The following ABCA4 variants were observed in gnomAD, a reference collection of about 807,000 sequenced individuals.
ABCA4 encodes the protein retinal-specific phospholipid-transporting ATPase ABCA4.
A neutral mutation model predicts 263.7 loss-of-function variants in ABCA4; 196 were observed. The ratio of observed to expected loss-of-function variants is 0.74; its 90% CI spans 0.66 to 0.84. The LOEUF (loss-of-function observed/expected upper bound fraction) is 0.84, where lower values mean the gene tolerates loss of function less well. ABCA4 is among the 40% of genes least tolerant of loss of function. The pLI is 0.00. For missense variants in ABCA4, 2,792 were observed against 2,855.1 expected (o/e 0.98, Z 0.50); for synonymous variants, 1,133 against 1,094.2 (o/e 1.04, Z -0.70).
intron 9 of ABCA4, 78 bp from the exon 10 acceptor site, chr1:94,078,784 G>T: frequency 1.0e-6 from 1 of 992,346 alleles, no homozygotes; most frequent in Non-Finnish European, 1.6e-6. Flanking sequence ...TGTCTTTTCT[G>T]CCCCTATCAC....
chr1:94,119,422 C>A (rs1048494927), intron 1 of ABCA4, among the ~76,000 whole-genome samples: 1 of 152,164 alleles, frequency 6.6e-6, no homozygotes, highest in Non-Finnish European at 1.5e-5. Flanking sequence ...GCCATCCATG[C>A]GCATGGTTGA....
chr1:94,008,476 C>T (rs185105955), intron 41 of ABCA4, among the ~76,000 whole-genome samples, 179 bp from the exon 42 acceptor site: 1 of 152,280 alleles, frequency 6.6e-6, no homozygotes, highest in Non-Finnish European at 1.5e-5. Context: ...CTGACCCATG[C>T]TCTGCAGAAA....
At position 94,083,598 on chromosome 1, in the gene ABCA4, A is replaced by C. The variant is rs76277422; in HGVS notation, c.769-157T>G. On this transcript the variant is annotated intron_variant, in intron 6 of 49. Coordinates refer to ENST00000370225, the MANE Select transcript of ABCA4 (RefSeq NM_000350.3). The stretch of plus-strand genomic sequence containing the variant: ...GCAAGATTACTTTTAGAAACAAAAA[A>C]CTCTTTTATTTAATTGAAAAAATAA... Among the ~76,000 whole-genome samples, 2,002 of 152,082 alleles carry C rather than the reference A, an allele frequency of 0.013. 58 individuals carry two copies. Among genetic ancestry groups the C allele is most frequent in the African/African-American group, 0.046 (1,918 of 41,474 alleles).
chr1:93,997,771 G>GT, intron 48 of ABCA4, 90 bp downstream of exon 48: 1 of 1,545,472 alleles, frequency 6.5e-7, no homozygotes. Flanking sequence ...AATCGGGAAT[G>GT]TTATGCCTCC....
At chr1:94,066,450 C>T (rs1208795001) in intron 11 of ABCA4, among the ~76,000 whole-genome samples, 2 of 152,110 alleles carry the variant, frequency 1.3e-5, no homozygotes, top group Admixed American at 6.5e-5. Context: ...AAATTTAATT[C>T]CTAAAACGAA....
chr1:94,046,285 A>T (rs1168099759), intron 19 of ABCA4, among the ~76,000 whole-genome samples: 2 of 122,514 alleles, frequency 1.6e-5, no homozygotes, highest in African/African-American at 5.3e-5. Context: ...TGTACTAAAA[A>T]AAAAAAAAAA....
At chr1:94,031,738 G>A (rs1387829601) in intron 27 of ABCA4, 40 bp downstream of exon 27, 1 of 1,611,968 alleles carries the variant, frequency 6.2e-7, no homozygotes, top group South Asian at 1.1e-5. Flanking sequence ...GCTGGGAGAG[G>A]AGCCACTGAG....
At chr1:94,026,072 A>G (rs1660032582) in intron 30 of ABCA4, among the ~76,000 whole-genome samples, 1 of 152,242 alleles carries the variant, frequency 6.6e-6, no homozygotes, top group Non-Finnish European at 1.5e-5. Flanking sequence ...TATTACTGCA[A>G]ATCTGGGAAC....
chr1:94,040,656 A>G (rs1422022357), intron 23 of ABCA4, among the ~76,000 whole-genome samples: 25 of 152,190 alleles, frequency 1.6e-4, no homozygotes, highest in Admixed American at 1.6e-3. Flanking sequence ...AGAAGAAAAA[A>G]ATACTAAAAA....
chr1:94,008,711 G>C (rs371118332), intron 41 of ABCA4, 40 bp downstream of exon 41: 73 of 1,613,258 alleles, frequency 4.5e-5, no homozygotes, highest in Non-Finnish European at 5.8e-5. Flanking sequence ...GCCAACTGTG[G>C]ATCTAACCAG....
rs760102207 is a variant in ABCA4 at position 94,046,973 on chromosome 1, T to A, written c.2864A>T (p.Glu955Val). 1.2e-6 allele frequency: 2 copies of A among 1,614,154 alleles called. No homozygotes were observed. Among genetic ancestry groups the A allele is most frequent in the East Asian group, 4.5e-5 (2 of 44,876 alleles). The change falls in exon 19 of 50, where the codon GAG (glutamate) becomes GTG (valine). Residue 955 changes from glutamate to valine, a missense_variant. Glu to Val is a moderately radical substitution (Grantham distance 121). Transcript: ENST00000370225. ...GCCCAGGAATGCGGTGATCTGGTTC[T>A]CGTAGAAGGTGATGTTCAGACGGTC... is the stretch of plus-strand genomic sequence containing the variant. ...AVDRLNITFY[E>V]NQITAFLGHN...
intron 36 of ABCA4, among the ~76,000 whole-genome samples, chr1:94,016,740 G>A (rs1659757216): frequency 6.6e-6 from 1 of 152,174 alleles, no homozygotes; most frequent in Non-Finnish European, 1.5e-5. Flanking sequence ...GCATACCTGT[G>A]TGTGTACATC....
rs533787978 is a variant in ABCA4, at chr1:94,053,410, A to G, written c.2587+1701T>C. The stretch of plus-strand genomic sequence containing the variant: ...GCCAAAACAACAACAACAAAAAACC[A>G]AAACACACATTTGGTGTCAGAAGTG... On this transcript the variant is annotated intron_variant, in intron 16 of 49. Transcript: ENST00000370225. Among the ~76,000 whole-genome samples, 7 of 152,350 alleles carry G rather than the reference A, an allele frequency of 4.6e-5. No individual in the cohort carries two copies. In the South Asian group the frequency reaches 1.4e-3, roughly 32 times the overall value.
In ABCA4 at chr1:94,008,858, T is replaced by C; in HGVS notation, c.5728A>G (p.Thr1910Ala). The C allele has an allele frequency of 6.2e-7, 1 of 1,613,132 alleles. No individual in the cohort carries two copies. Among genetic ancestry groups the C allele is most frequent in the Non-Finnish European group, 8.5e-7 (1 of 1,179,906 alleles). ...TCTTCATCAACAATGGGCTCCTTAG[T>C]GGGCTCGGCAATCCTAGATGAAGAA... Reference protein sequence around the residue: ...FFLSQWIAEPTKEPIVDEDDD... With the variant: ...FFLSQWIAEPAKEPIVDEDDD... The change falls in exon 41 of 50, where the codon ACT becomes GCT. Residue 1910 changes from threonine (T) to alanine (A), a missense_variant. Physicochemically the swap from Thr to Ala is moderately conservative, Grantham distance 58. Transcript: ENST00000370225.
intron 48 of ABCA4, 64 bp downstream of exon 48, chr1:93,997,797 C>G: frequency 6.2e-7 from 1 of 1,608,534 alleles, no homozygotes; most frequent in Non-Finnish European, 8.5e-7. Flanking sequence ...ATGGCAATTC[C>G]AACCCACACT....
chr1:94,120,689 CG>C (rs1044627146), intron 1 of ABCA4, among the ~76,000 whole-genome samples: 3 of 20,540 alleles, frequency 1.5e-4, no homozygotes, highest in African/African-American at 6.1e-4. Flanking sequence ...AGGTGTAAAA[CG>C]GGGGGTGGGG....
At chr1:93,997,787 A>T (rs1454514800) in intron 48 of ABCA4, 74 bp downstream of exon 48, 1 of 1,597,660 alleles carries the variant, frequency 6.3e-7, no homozygotes, top group Admixed American at 1.7e-5. Context: ...CCTCCCTCTT[A>T]TGGCAATTCC....
At chr1:94,006,426 T>A (rs1193183919) in intron 43 of ABCA4, among the ~76,000 whole-genome samples, 2 of 152,258 alleles carry the variant, frequency 1.3e-5, no homozygotes, top group Non-Finnish European at 2.9e-5. Context: ...ACCTTCTGGA[T>A]GTCAGACTGT....
At chr1:94,046,408 G>C (rs1465735885) in intron 19 of ABCA4, among the ~76,000 whole-genome samples, 2 of 128,730 alleles carry the variant, frequency 1.6e-5, no homozygotes, top group African/African-American at 5.7e-5. Context: ...GTTGCAGTGA[G>C]CCAAGATCGC....
Sources: gnomAD v4.1 joint callset for allele counts (sites outside exome capture counted in the v4.1 genomes callset) on GRCh38, gnomAD v4.1.1 for gene constraint, MANE v1.5 for transcripts, NCBI Gene and HGNC (gene_info 2026-07-23, HGNC 2026-07-21) for gene names.